Variants in DNAH7 observed in about 807,000 individuals in gnomAD.
DNAH7 encodes axonemal beta dynein heavy chain 7.
A neutral mutation model predicts 444.6 loss-of-function variants in DNAH7; 397 were observed. That is an observed-to-expected ratio of 0.89 (90% CI 0.82 to 0.97). DNAH7 has a LOEUF of 0.97. Ranked by LOEUF, DNAH7 falls within the 50% of genes least tolerant of loss-of-function variation. DNAH7 has a pLI of 0.00. For missense variants in DNAH7, 4,902 were observed against 4,800.8 expected, an observed-to-expected ratio of 1.02 and a Z score of -0.62; for synonymous variants, 1,636 against 1,624.4, an observed-to-expected ratio of 1.01 and a Z score of -0.17.
chr2:195,960,412 A>G lies in DNAH7; in HGVS notation c.2739T>C (p.Asp913=), dbSNP rs188315511. The G allele has an allele frequency of 1.9e-6, 3 of 1,614,210 alleles. No homozygotes were observed. In the African/African-American group the frequency reaches 4.0e-5, roughly 22 times the overall value. Residue 913 remains aspartate, a synonymous_variant, in exon 18 of 65, where the codon GAT becomes GAC. Transcript: ENST00000312428. ...KAMEKMITEW[D]AVEFVIHSYR... is the part of the protein sequence containing the mutation. ...AAGAATGGATGACAAATTCCACTGC[A>G]TCCCACTCAGTAATCATCTTCTCCA...
intron 10 of DNAH7, among the ~76,000 whole-genome samples, chr2:196,006,968 A>C (rs1308874817): frequency 1.3e-5 from 2 of 152,170 alleles, no homozygotes; most frequent in African/African-American, 4.8e-5. Flanking sequence ...AACTAAATAA[A>C]TGGAAAGACA....
chr2:195,748,431 A>G (rs112152482), intron 63 of DNAH7, among the ~76,000 whole-genome samples: 4 of 152,244 alleles, frequency 2.6e-5, no homozygotes, highest in African/African-American at 7.2e-5. Context: ...TACAGATTCA[A>G]TGCTATCCCC....
Position 195,876,705 on chromosome 2 carries a change from TAAC to T in DNAH7, c.5962-9_5962-7del, listed in dbSNP as rs1009484658. 1 of 1,525,480 alleles carries T rather than the reference TAAC, an allele frequency of 6.6e-7. No homozygotes were observed. The highest frequency in any genetic ancestry group is 1.4e-5 in the African/African-American group (1 of 71,662). The allele number at this position is 1,525,480 out of a possible 1,614,324, so 94.5% of individuals were successfully genotyped here. A position where few individuals can be genotyped will look rare whatever the true frequency, so the allele number is the denominator to read the frequency against. ...AGTTGATTTAAAAGAAAATTCTATATAACAAAATAATAAAATGAGCCATAGTTG... is the reference window on the plus strand; with the variant it reads ...AGTTGATTTAAAAGAAAATTCTATATAAAATAATAAAATGAGCCATAGTTG... On this transcript the variant is annotated splice_region_variant and splice_polypyrimidine_tract_variant and intron_variant, in intron 36 of 64. Transcript: ENST00000312428.
chr2:195,852,060 C>T (rs1433509777), intron 46 of DNAH7, among the ~76,000 whole-genome samples: 2 of 152,094 alleles, frequency 1.3e-5, no homozygotes, highest in African/African-American at 4.8e-5. Context: ...AGATTGAGAC[C>T]ATCCTGGCTA....
At chr2:195,847,992 T>C (rs541681056) in intron 46 of DNAH7, among the ~76,000 whole-genome samples, 119 of 152,190 alleles carry the variant, frequency 7.8e-4, no homozygotes, top group Non-Finnish European at 9.7e-4. Context: ...AAGTTGAGTT[T>C]ACAGATAAAA....
intron 10 of DNAH7, among the ~76,000 whole-genome samples, chr2:196,012,246 C>T (rs1035800711): frequency 2.0e-5 from 3 of 152,140 alleles, no homozygotes; most frequent in Non-Finnish European, 4.4e-5. Context: ...AGCATACTGT[C>T]TGATTCCCAG....
intron 60 of DNAH7, among the ~76,000 whole-genome samples, chr2:195,774,265 G>A (rs773424803): frequency 6.6e-6 from 1 of 152,158 alleles, no homozygotes; most frequent in Non-Finnish European, 1.5e-5. Context: ...GCAATCTAAT[G>A]CTCCTAAAGA....
Position 195,817,700 on chromosome 2 carries a change from T to C in DNAH7, c.9421A>G (p.Lys3141Glu), listed in dbSNP as rs374362370. The C allele has an allele frequency of 3.7e-6, 6 of 1,602,956 alleles. No individual in the cohort carries two copies. The highest frequency in any genetic ancestry group is 1.8e-5 in the Admixed American group (1 of 57,108). Residue 3141 changes from lysine to glutamate, a missense_variant, in exon 50 of 65, where the codon AAA becomes GAA. Physicochemically the swap from Lys to Glu is moderately conservative, Grantham distance 56. Transcript: ENST00000312428. ...TCTGTTTATGACATTTAAAACCTTT[T>C]ATTTTCAGCTCCTTGTAATATCAAG... ...QALILQGAEN[K>E]RQLKEIEDKI...
At chr2:195,823,842 C>T (rs1697584480) in intron 49 of DNAH7, among the ~76,000 whole-genome samples, 1 of 152,122 alleles carries the variant, frequency 6.6e-6, no homozygotes, top group African/African-American at 2.4e-5. Flanking sequence ...TGATTGAAAA[C>T]AGTTCTTTTA....
chr2:195,996,446 GAC>G (rs1362090382), intron 12 of DNAH7, among the ~76,000 whole-genome samples: 2 of 142,284 alleles, frequency 1.4e-5, no homozygotes, highest in African/African-American at 5.2e-5. Flanking sequence ...TTTTTTTTGA[GAC>G]AGAGTCTCAT....
chr2:195,946,408 C>T (rs972272101), intron 19 of DNAH7, among the ~76,000 whole-genome samples: 7 of 152,048 alleles, frequency 4.6e-5, no homozygotes, highest in African/African-American at 1.7e-4. Context: ...AGACAACGAA[C>T]AAACCTAGGG....
At chr2:195,863,956 T>C (rs969490264) in intron 41 of DNAH7, among the ~76,000 whole-genome samples, 193 bp downstream of exon 41, 1 of 152,234 alleles carries the variant, frequency 6.6e-6, no homozygotes, top group Non-Finnish European at 1.5e-5. Flanking sequence ...AAGTTAGTGA[T>C]CACATATATT....
At chr2:195,810,510 C>T (rs1480716261) in intron 51 of DNAH7, among the ~76,000 whole-genome samples, 2 of 152,156 alleles carry the variant, frequency 1.3e-5, no homozygotes, top group Non-Finnish European at 2.9e-5. Context: ...CTCCCTGGCT[C>T]AAGCCATCCT....
chr2:195,748,060 T>C (rs1199344865), intron 63 of DNAH7, among the ~76,000 whole-genome samples: 9 of 152,206 alleles, frequency 5.9e-5, no homozygotes, highest in African/African-American at 2.2e-4. Context: ...TGTTTGCAGA[T>C]GACATGATTG....
chr2:196,028,719 C>G (rs1212969393), intron 5 of DNAH7, among the ~76,000 whole-genome samples: 2 of 152,120 alleles, frequency 1.3e-5, no homozygotes, highest in East Asian at 1.9e-4. Flanking sequence ...ATAGCTTTAA[C>G]CTCTTTATAA....
At chr2:195,770,553 C>T (rs1694786757) in intron 61 of DNAH7, among the ~76,000 whole-genome samples, 1 of 152,010 alleles carries the variant, frequency 6.6e-6, no homozygotes, top group Non-Finnish European at 1.5e-5. Flanking sequence ...AATACTCTTC[C>T]CTGAAACGTT....
chr2:195,895,240 T>G lies in DNAH7; in HGVS notation c.4648-16A>C. ...AAGTAATTCCCTGATGATAGATGATTTGAAGGATTTACATTTTATATATTT... is the reference window on the plus strand; with the variant it reads ...AAGTAATTCCCTGATGATAGATGATGTGAAGGATTTACATTTTATATATTT... On this transcript the variant is annotated splice_polypyrimidine_tract_variant and intron_variant, in intron 29 of 64. Coordinates refer to ENST00000312428, the MANE Select transcript of DNAH7 (RefSeq NM_018897.3). 6.4e-7 allele frequency: 1 copy of G among 1,564,440 alleles called. No homozygotes were observed. Among genetic ancestry groups the G allele is most frequent in the Non-Finnish European group, 8.7e-7 (1 of 1,144,876 alleles).
At chr2:195,965,900 T>C (rs1238669611) in intron 17 of DNAH7, among the ~76,000 whole-genome samples, 1 of 151,492 alleles carries the variant, frequency 6.6e-6, no homozygotes, top group Non-Finnish European at 1.5e-5. Flanking sequence ...TTTTATTTTT[T>C]CAAAAACTTT....
intron 38 of DNAH7, among the ~76,000 whole-genome samples, chr2:195,874,926 G>A (rs547762981): frequency 3.0e-4 from 45 of 152,292 alleles, no homozygotes; most frequent in African/African-American, 9.9e-4. Flanking sequence ...GTCAGGGTTA[G>A]GGAGCAAATA....
Sources: allele counts gnomAD v4.1 joint callset (sites outside exome capture counted in the v4.1 genomes callset), GRCh38; gene constraint gnomAD v4.1.1; transcripts MANE v1.5; gene names NCBI Gene and HGNC (gene_info 2026-07-23, HGNC 2026-07-21).